ADGRL3: variants seen among roughly 807,000 people sequenced by gnomAD.
ADGRL3 encodes adhesion G protein-coupled receptor L3, also known as calcium-independent alpha-latrotoxin receptor 3.
A neutral mutation model predicts 153.5 loss-of-function variants in ADGRL3; 62 were observed. The ratio of observed to expected loss-of-function variants is 0.40; its 90% CI spans 0.33 to 0.50. The LOEUF is 0.50. Ranked by LOEUF, ADGRL3 falls within the 20% of genes least tolerant of loss-of-function variation. ADGRL3 has a pLI of 0.47. For missense variants in ADGRL3, 1,641 were observed against 1,859.4 expected, an observed-to-expected ratio of 0.88 and a Z score of 2.16; for synonymous variants, 710 against 672.5, an observed-to-expected ratio of 1.06 and a Z score of -0.86.
intron 5 of ADGRL3, among the ~76,000 whole-genome samples, chr4:61,613,265 A>G (rs2091602564): frequency 6.6e-6 from 1 of 152,152 alleles, no homozygotes; most frequent in Non-Finnish European, 1.5e-5. Context: ...TTTGAAGCAG[A>G]TTTAAATGAG....
Position 61,892,746 on chromosome 4 carries a change from C to A in ADGRL3, c.1571C>A (p.Thr524Asn), listed in dbSNP as rs377643253. 3.7e-6 allele frequency: 6 copies of A among 1,613,898 alleles called. No individual in the cohort carries two copies. The South Asian group carries it at 6.6e-5, about 18-fold the overall frequency. The change falls in exon 10 of 27, where the codon ACC becomes AAC. Residue 524 changes from threonine (T) to asparagine (N), a missense_variant. Coordinates refer to ENST00000683033, the MANE Select transcript of ADGRL3 (RefSeq NM_001387552.1). ...TTTLSPGRST[T>N]PSVSGRRNRS... is the part of the protein sequence containing the mutation. ...ACTTTGAGCCCAGGAAGGAGTACCA[C>A]CCCGTCAGTGTCAGGAAGAAGAAAC...
chr4:61,998,178 A>G lies in ADGRL3; in HGVS notation c.3308A>G (p.Asn1103Ser). The G allele has an allele frequency of 6.5e-7, 1 of 1,550,254 alleles. No individual in the cohort carries two copies. Among genetic ancestry groups the G allele is most frequent in the Non-Finnish European group, 8.7e-7 (1 of 1,144,510 alleles). The change falls in exon 21 of 27, where the codon AAT becomes AGT. Residue 1103 changes from asparagine (N) to serine (S), a missense_variant. Transcript: ENST00000683033. The stretch of plus-strand genomic sequence containing the variant: ...ACACTACCTTTTGCATTCCAGCTTA[A>G]TGTAATCTTCCTTGGGATTGCTTTA... ...IGPATLIIML[N>S]VIFLGIALYK...
chr4:61,650,433 A>G (rs2094204468), intron 5 of ADGRL3, among the ~76,000 whole-genome samples: 1 of 152,154 alleles, frequency 6.6e-6, no homozygotes, highest in Non-Finnish European at 1.5e-5. Flanking sequence ...ATGCAGTTAT[A>G]TTATTAACCC....
chr4:61,867,883 T>A (rs2098412629), intron 9 of ADGRL3, among the ~76,000 whole-genome samples: 1 of 152,096 alleles, frequency 6.6e-6, no homozygotes, highest in Non-Finnish European at 1.5e-5. Flanking sequence ...TGGATTTTTT[T>A]ATATTATTTT....
At chr4:61,236,958 A>T (rs1226266522) in intron 1 of ADGRL3, among the ~76,000 whole-genome samples, 1 of 152,172 alleles carries the variant, frequency 6.6e-6, no homozygotes, top group Non-Finnish European at 1.5e-5. Context: ...TATTACATTA[A>T]TATCTTTTGC....
In ADGRL3 at chr4:61,933,573, A is replaced by G. The variant is rs563908463; in HGVS notation, c.2113-1267A>G. On this transcript the variant is annotated intron_variant, in intron 13 of 26. Transcript: ENST00000683033. The stretch of plus-strand genomic sequence containing the variant: ...TGTGAGTAGGATTATTTTACTTAAA[A>G]GTACAGTGATGTTGATTTTTGGCCA... Among the ~76,000 whole-genome samples, 22 of 152,314 alleles carry G rather than the reference A, an allele frequency of 1.4e-4. No homozygotes were observed. The East Asian group carries it at 2.5e-3, about 17-fold the overall frequency.
chr4:62,017,265 A>G (rs2099216523), intron 21 of ADGRL3, among the ~76,000 whole-genome samples: 1 of 152,056 alleles, frequency 6.6e-6, no homozygotes, highest in Non-Finnish European at 1.5e-5. Context: ...TGAAGTTTAA[A>G]AATACACATA....
At chr4:61,608,194 T>A (rs2099040001) in intron 5 of ADGRL3, among the ~76,000 whole-genome samples, 1 of 152,170 alleles carries the variant, frequency 6.6e-6, no homozygotes, top group African/African-American at 2.4e-5. Context: ...CTTCCCACAT[T>A]TGCACACACA....
chr4:61,866,733 C>G (rs897016809), intron 9 of ADGRL3, among the ~76,000 whole-genome samples: 1 of 152,184 alleles, frequency 6.6e-6, no homozygotes, highest in Non-Finnish European at 1.5e-5. Flanking sequence ...CTGGCATTAA[C>G]TAAAATGCGT....
intron 1 of ADGRL3, among the ~76,000 whole-genome samples, chr4:61,244,436 A>G (rs891239097): frequency 6.6e-6 from 1 of 151,988 alleles, no homozygotes. Context: ...AATAAAACTG[A>G]TCTTTCTCTT....
chr4:61,372,486 G>T (rs2096546262), intron 1 of ADGRL3, among the ~76,000 whole-genome samples: 1 of 152,162 alleles, frequency 6.6e-6, no homozygotes, highest in South Asian at 2.1e-4. Flanking sequence ...GGAGTACCCT[G>T]CAGTGTGAGG....
chr4:62,000,455 C>T (rs992181429), intron 21 of ADGRL3, among the ~76,000 whole-genome samples: 4 of 151,862 alleles, frequency 2.6e-5, no homozygotes, highest in African/African-American at 9.6e-5. Flanking sequence ...AATAATTAAA[C>T]ATGGAAAAAA....
At chr4:61,233,293 G>A (rs916241398) in intron 1 of ADGRL3, among the ~76,000 whole-genome samples, 14 of 152,018 alleles carry the variant, frequency 9.2e-5, no homozygotes, top group African/African-American at 3.1e-4. Context: ...AATTTCTACA[G>A]TTACTCTTTT....
At chr4:61,426,898 C>G (rs993111734) in intron 2 of ADGRL3, 3 of 152,224 alleles carry the variant, frequency 2.0e-5, no homozygotes, top group Non-Finnish European at 4.4e-5. Context: ...CAGCCCAAAT[C>G]AAGTCAATTC....
chr4:61,595,747 T>C (rs2149454695), intron 5 of ADGRL3, among the ~76,000 whole-genome samples: 1 of 152,206 alleles, frequency 6.6e-6, no homozygotes, highest in African/African-American at 2.4e-5. Flanking sequence ...AGTCCTTGTG[T>C]CCCAAATCTC....
At chr4:61,937,059 G>A (rs2098842170) in intron 15 of ADGRL3, among the ~76,000 whole-genome samples, 1 of 152,122 alleles carries the variant, frequency 6.6e-6, no homozygotes, top group African/African-American at 2.4e-5. Context: ...ATTTGACTAA[G>A]AAAATTTTGA....
intron 21 of ADGRL3, among the ~76,000 whole-genome samples, chr4:62,024,658 C>T (rs182826031): frequency 9.9e-5 from 15 of 152,094 alleles, no homozygotes; most frequent in Non-Finnish European, 1.8e-4. Flanking sequence ...AGGCTGGGCA[C>T]GGTAGCTCAC....
chr4:61,356,527 T>C (rs1408317357), intron 1 of ADGRL3, among the ~76,000 whole-genome samples: 1 of 152,136 alleles, frequency 6.6e-6, no homozygotes, highest in Non-Finnish European at 1.5e-5. Context: ...CTGTAGTTTT[T>C]ATTTCATTTT....
intron 1 of ADGRL3, among the ~76,000 whole-genome samples, chr4:61,291,174 A>T (rs1183152683): frequency 1.1e-5 from 1 of 90,598 alleles, no homozygotes; most frequent in Non-Finnish European, 2.2e-5. Flanking sequence ...GCCTGGATCA[A>T]TACACACACA....
Sources: gnomAD v4.1 joint callset for allele counts (sites outside exome capture counted in the v4.1 genomes callset) on GRCh38, gnomAD v4.1.1 for gene constraint, MANE v1.5 for transcripts, NCBI Gene and HGNC (gene_info 2026-07-23, HGNC 2026-07-21) for gene names.